PKIB: variants seen among roughly 807,000 people sequenced by gnomAD.
The protein encoded by PKIB is cAMP-dependent protein kinase inhibitor beta.
Under a neutral mutation model 4.5 loss-of-function variants are expected in PKIB, and 2 were observed. The observed-to-expected ratio is 0.44, with a 90% CI of 0.18 to 1.39. PKIB has a LOEUF of 1.39. Ranked by LOEUF, PKIB falls within the 40% of genes most tolerant of loss-of-function variation. PKIB has a pLI of 0.27. For synonymous variants in PKIB, 38 were observed against 36.0 expected (o/e 1.06, Z -0.20); for missense variants, 94 against 92.6 (o/e 1.02, Z -0.06).
chr6:122,638,931 C>T (rs942719383), intron 2 of PKIB, among the ~76,000 whole-genome samples: 3 of 152,162 alleles, frequency 2.0e-5, no homozygotes, highest in Non-Finnish European at 4.4e-5. Flanking sequence ...AGCTCTAATA[C>T]CCTTGCTAAA....
At chr6:122,488,862 A>G (rs755848231) in intron 2 of PKIB, among the ~76,000 whole-genome samples, 2 of 152,240 alleles carry the variant, frequency 1.3e-5, no homozygotes, top group Middle Eastern at 6.8e-3. Context: ...CTATCTGTCT[A>G]TCTCTGTCTA....
rs1777620803 is a variant in PKIB, at chr6:122,541,949, A to C, written c.-247-43972A>C. ...TCATTCATTTCGTCTTCTATCACTG[A>C]GACCCTTTCTTCCAGTTGATCGCAT... On this transcript the variant is annotated intron_variant, in intron 2 of 6. Transcript: ENST00000392491. Among the ~76,000 whole-genome samples the C allele has an allele frequency of 1.3e-5, 2 of 151,892 alleles. 1 individual carries two copies. The highest frequency in any genetic ancestry group is 4.8e-5 in the African/African-American group (2 of 41,318).
At chr6:122,564,491 A>G (rs976146010) in intron 2 of PKIB, among the ~76,000 whole-genome samples, 2 of 152,232 alleles carry the variant, frequency 1.3e-5, no homozygotes, top group Non-Finnish European at 2.9e-5. Flanking sequence ...TGAGCAGTCT[A>G]TGACTAAGTG....
At chr6:122,506,953 G>A (rs1034194227) in intron 2 of PKIB, among the ~76,000 whole-genome samples, 4 of 151,728 alleles carry the variant, frequency 2.6e-5, no homozygotes, top group East Asian at 1.9e-4. Context: ...CGCCCGCCTC[G>A]GCCTCCCAAA....
At chr6:122,697,331 A>C (rs1778617151) in intron 3 of PKIB, among the ~76,000 whole-genome samples, 1 of 152,084 alleles carries the variant, frequency 6.6e-6, no homozygotes, top group African/African-American at 2.4e-5. Context: ...TCAGATATCA[A>C]GCCTAAATTT....
intron 2 of PKIB, among the ~76,000 whole-genome samples, chr6:122,516,584 G>A (rs1169573813): frequency 6.6e-6 from 1 of 152,106 alleles, no homozygotes; most frequent in Non-Finnish European, 1.5e-5. Flanking sequence ...TCCCAGTTCT[G>A]ATTACTCTGC....
At chr6:122,648,886 G>T (rs943167553) in intron 2 of PKIB, among the ~76,000 whole-genome samples, 1 of 152,120 alleles carries the variant, frequency 6.6e-6, no homozygotes, top group Non-Finnish European at 1.5e-5. Context: ...AGTCAGGTTG[G>T]CCCATCTCCA....
intron 3 of PKIB, among the ~76,000 whole-genome samples, chr6:122,598,727 C>A (rs1774256373): frequency 6.6e-6 from 1 of 152,168 alleles, no homozygotes; most frequent in Non-Finnish European, 1.5e-5. Flanking sequence ...CAAGGGAGAT[C>A]AGGCATTTCC....
At chr6:122,596,805 G>A (rs1032870726) in intron 3 of PKIB, among the ~76,000 whole-genome samples, 2 of 152,168 alleles carry the variant, frequency 1.3e-5, no homozygotes, top group African/African-American at 4.8e-5. Context: ...GGGTCATATG[G>A]CCCAAGTGGC....
chr6:122,664,657 A>G (rs536350460), intron 2 of PKIB, among the ~76,000 whole-genome samples: 4 of 152,250 alleles, frequency 2.6e-5, no homozygotes, highest in African/African-American at 9.6e-5. Context: ...CAGCCTCCCA[A>G]GTGCTGGGAT....
intron 3 of PKIB, among the ~76,000 whole-genome samples, chr6:122,687,154 G>A (rs1199282313): frequency 6.6e-6 from 1 of 152,200 alleles, no homozygotes; most frequent in Non-Finnish European, 1.5e-5. Flanking sequence ...TATGGCAAGA[G>A]ACAGGGGTCT....
intron 3 of PKIB, among the ~76,000 whole-genome samples, chr6:122,587,261 G>A (rs1449422015): frequency 6.6e-6 from 1 of 152,080 alleles, no homozygotes; most frequent in Non-Finnish European, 1.5e-5. Flanking sequence ...CCACCTATGA[G>A]TGAGAACATG....
intron 1 of PKIB, among the ~76,000 whole-genome samples, chr6:122,475,686 C>A (rs534033): frequency 1.4e-5 from 2 of 138,868 alleles, no homozygotes; most frequent in Non-Finnish European, 3.3e-5. Context: ...CTCAAGAGGC[C>A]GAGGCAGGAG....
chr6:122,493,032 A>G (rs1411462996), intron 2 of PKIB, among the ~76,000 whole-genome samples: 1 of 152,202 alleles, frequency 6.6e-6, no homozygotes, highest in Non-Finnish European at 1.5e-5. Flanking sequence ...TATATTTTCT[A>G]TTACAAGTTA....
upstream of PKIB, among the ~76,000 whole-genome samples, chr6:122,608,529 G>A (rs1290052369): frequency 6.6e-6 from 1 of 152,166 alleles, no homozygotes; most frequent in African/African-American, 2.4e-5. Flanking sequence ...GAAATGAGAG[G>A]CCATCAAAAA....
Position 122,577,930 on chromosome 6 carries a change from AAAG to A in PKIB, c.-247-7988_-247-7986del, listed in dbSNP as rs367625754. ...TCTCAAAAAAAAAAAAAAGAAAAGAAAAGAAAAAAGAAATACATTTATTTAGAA... is the reference window on the plus strand; with the variant it reads ...TCTCAAAAAAAAAAAAAAGAAAAGAAAAAAAAGAAATACATTTATTTAGAA... On this transcript the variant is annotated intron_variant, in intron 2 of 6. Transcript: ENST00000392491. 3.2e-3 allele frequency among the ~76,000 whole-genome samples: 480 copies of A among 151,848 alleles called. 4 individuals are homozygous for A. Among genetic ancestry groups the A allele is most frequent in the African/African-American group, 0.011 (442 of 41,414 alleles).
In PKIB at chr6:122,592,365, C is replaced by T. The variant is rs551952191; in HGVS notation, c.-161+6358C>T. 1.1e-4 allele frequency among the ~76,000 whole-genome samples: 17 copies of T among 152,230 alleles called. No individual in the cohort carries two copies. The East Asian group carries it at 3.3e-3, about 29-fold the overall frequency. ...ATGACTGGTTTTGAACAACTGTATG[C>T]AACCTTTCCATCAGAAAAATGAAAA... is the stretch of plus-strand genomic sequence containing the variant. On this transcript the variant is annotated intron_variant, in intron 3 of 6. Coordinates refer to the PKIB transcript ENST00000392491.
chr6:122,565,189 T>G (rs943230577), intron 2 of PKIB, among the ~76,000 whole-genome samples: 1 of 152,162 alleles, frequency 6.6e-6, no homozygotes, highest in Non-Finnish European at 1.5e-5. Flanking sequence ...ATAATTAAAT[T>G]GGAGTTACTG....
chr6:122,666,823 G>A (rs1220100646), intron 2 of PKIB, among the ~76,000 whole-genome samples: 2 of 152,102 alleles, frequency 1.3e-5, no homozygotes, highest in African/African-American at 4.8e-5. Flanking sequence ...CCTGTGAATC[G>A]ACTTAGTCAA....
Sources: gnomAD v4.1 joint callset for allele counts (sites outside exome capture counted in the v4.1 genomes callset) on GRCh38, gnomAD v4.1.1 for gene constraint, MANE v1.5 for transcripts, NCBI Gene and HGNC (gene_info 2026-07-23, HGNC 2026-07-21) for gene names.